The following SLC28A3 variants were observed in gnomAD, a reference collection of about 807,000 sequenced individuals.
SLC28A3 encodes the protein solute carrier family 28 member 3, also known as concentrative Na(+)-nucleoside cotransporter 3.
SLC28A3 carries 68 observed loss-of-function variants against 84.2 expected under a neutral mutation model. The observed-to-expected ratio is 0.81, with a 90% CI of 0.66 to 0.99. The LOEUF (loss-of-function observed/expected upper bound fraction) is 0.99. Among genes scored for constraint, SLC28A3 ranks in the 50% least tolerant of loss-of-function variants. SLC28A3 has a pLI of 0.00. For missense variants in SLC28A3, 712 were observed against 841.5 expected, an observed-to-expected ratio of 0.85 and a Z score of 1.90; for synonymous variants, 267 against 303.6, an observed-to-expected ratio of 0.88 and a Z score of 1.25.
chr9:84,279,868 G>T, intron 16 of SLC28A3, 107 bp downstream of exon 16: 1 of 1,062,358 alleles, frequency 9.4e-7, no homozygotes, highest in Non-Finnish European at 1.4e-6. Flanking sequence ...CTAACTCTCA[G>T]CTTTCTGTGG....
rs1355706577 is a variant in SLC28A3 at position 84,277,092 on chromosome 9, T to C, written c.*1126A>G. On this transcript the variant is annotated 3_prime_UTR_variant, in exon 18 of 18. Transcript: ENST00000376238. ...ATTATCAACGCAAGGTTTTCAGAGC[T>C]CAACCAGGACTTTTTTTCCTCAACT... 4 of 152,368 alleles carry C rather than the reference T, an allele frequency of 2.6e-5. No individual in the cohort carries two copies. Among genetic ancestry groups the C allele is most frequent in the Admixed American group, 2.6e-4 (4 of 15,308 alleles). The allele number at this position is 152,368 out of a possible 1,614,324, so 9.4% of individuals were successfully genotyped here.
At chr9:84,324,501 A>AGGCATGGT (rs1288772877) in intron 1 of SLC28A3, among the ~76,000 whole-genome samples, 2 of 151,984 alleles carry the variant, frequency 1.3e-5, no homozygotes, top group African/African-American at 4.8e-5. Flanking sequence ...AAAATTAGCC[A>AGGCATGGT]GGCATGGTGG....
intron 1 of SLC28A3, among the ~76,000 whole-genome samples, chr9:84,336,886 A>G (rs1185687766): frequency 1.3e-5 from 2 of 151,576 alleles, no homozygotes; most frequent in African/African-American, 4.9e-5. Flanking sequence ...TGCCCACCCC[A>G]CCTCCTACTG....
Position 84,285,501 on chromosome 9 carries a change from C to CATCA in SLC28A3, c.1487_1490dup (p.Met497IlefsTer19). 1 of 1,614,154 alleles carries CATCA rather than the reference C, an allele frequency of 6.2e-7. No homozygotes were observed. Among genetic ancestry groups the CATCA allele is most frequent in the African/African-American group, 1.3e-5 (1 of 75,040 alleles). ...TAAAGCTGTCCTGCCATTCCACTCC[C>CATCA]ATCATGAAGGAAAAGGGCATGAAGA... On this transcript the variant is annotated frameshift_variant, in exon 14 of 18. Coordinates refer to ENST00000376238, the MANE Select transcript of SLC28A3 (RefSeq NM_001199633.2). LOFTEE classifies it high-confidence loss of function.
intron 1 of SLC28A3, among the ~76,000 whole-genome samples, chr9:84,335,542 TG>T (rs1423090212): frequency 6.6e-6 from 1 of 152,196 alleles, no homozygotes; most frequent in African/African-American, 2.4e-5. Context: ...AGTGAAGCCC[TG>T]TCTCTATTTA....
At chr9:84,355,618 G>A in the SLC28A3 span, among the ~76,000 whole-genome samples, 2 of 152,098 alleles carry the variant, frequency 1.3e-5, no homozygotes, top group African/African-American at 4.8e-5. Context: ...CAGACTGCCT[G>A]GTTCTAATCC....
intron 10 of SLC28A3, among the ~76,000 whole-genome samples, chr9:84,290,698 C>G (rs557833942): frequency 5.7e-4 from 87 of 152,220 alleles, no homozygotes; most frequent in Admixed American, 1.9e-3. Context: ...TTTCTAAGGG[C>G]CAACTGACTC....
intron 1 of SLC28A3, among the ~76,000 whole-genome samples, chr9:84,320,925 C>G (rs1028591919): frequency 1.1e-4 from 16 of 148,372 alleles, no homozygotes; most frequent in African/African-American, 4.0e-4. Context: ...GAGATCGTGC[C>G]ACTGAACTCC....
At chr9:84,295,558 G>A (rs1327656577) in intron 8 of SLC28A3, among the ~76,000 whole-genome samples, 2 of 152,106 alleles carry the variant, frequency 1.3e-5, no homozygotes. Context: ...ACTCCAGCCT[G>A]GATGGCAGAG....
chr9:84,352,192 C>CT, the SLC28A3 span, among the ~76,000 whole-genome samples: 14 of 150,788 alleles, frequency 9.3e-5, no homozygotes, highest in South Asian at 4.2e-4. Flanking sequence ...AAAAATTTTG[C>CT]TTTTTTTTTA....
Position 84,286,044 on chromosome 9 carries a change from T to C in SLC28A3, c.1348A>G (p.Ile450Val), listed in dbSNP as rs759609725. ...ASSSISLVAN[I>V]AVNLIAFLAL... is the part of the protein sequence containing the mutation. Reference sequence around the variant, plus strand: ...AGGAAGGCAATCAGATTCACAGCGATGTTGGCCACCAGGGAGATGGAGGAG... The same window carrying C: ...AGGAAGGCAATCAGATTCACAGCGACGTTGGCCACCAGGGAGATGGAGGAG... Residue 450 changes from isoleucine to valine, a missense_variant, in exon 13 of 18, where the codon ATC becomes GTC. Physicochemically the swap from Ile to Val is conservative, Grantham distance 29 (BLOSUM62 3). Coordinates refer to ENST00000376238, the MANE Select transcript of SLC28A3 (RefSeq NM_001199633.2). The C allele has an allele frequency of 9.3e-6, 15 of 1,614,110 alleles. No individual in the cohort carries two copies. The highest frequency in any genetic ancestry group is 1.3e-5 in the Non-Finnish European group (15 of 1,179,994).
chr9:84,365,484 C>A, the SLC28A3 span, among the ~76,000 whole-genome samples: 6 of 151,978 alleles, frequency 3.9e-5, no homozygotes, highest in African/African-American at 1.5e-4. Context: ...CTTTGCTGTG[C>A]AGAAGTTTTT....
chr9:84,291,334 A>G (rs1462134574), intron 10 of SLC28A3, among the ~76,000 whole-genome samples: 1 of 151,394 alleles, frequency 6.6e-6, no homozygotes, highest in East Asian at 2.1e-4. Context: ...GCTAGTAAGC[A>G]TAGGTTTTTT....
intron 4 of SLC28A3, among the ~76,000 whole-genome samples, chr9:84,304,495 A>G (rs892469516): frequency 1.3e-5 from 2 of 152,214 alleles, no homozygotes; most frequent in African/African-American, 4.8e-5. Context: ...CAAAACAAAA[A>G]ACAAATAAAG....
rs1826669379 is a variant in SLC28A3, at chr9:84,328,765, ACAGAAAAC to A, written c.60+11801_60+11808del. Among the ~76,000 whole-genome samples, 3 of 144,788 alleles carry A rather than the reference ACAGAAAAC, an allele frequency of 2.1e-5. No individual in the cohort carries two copies. In the South Asian group the frequency reaches 7.2e-4, roughly 35 times the overall value. 95.0% of individuals were successfully genotyped at this position (144,788 alleles called of 152,430 possible). A position where few individuals can be genotyped will look rare whatever the true frequency, so the allele number is the denominator to read the frequency against. ...CAGAGTGAGACTCTAAAAACAAAAA[ACAGAAAAC>A]AAAAATTAGCCAGGCACAGTGACAG... On this transcript the variant is annotated intron_variant, in intron 1 of 17. Transcript: ENST00000376238.
chr9:84,332,552 A>C (rs1362924567), intron 1 of SLC28A3, among the ~76,000 whole-genome samples: 2 of 152,202 alleles, frequency 1.3e-5, no homozygotes, highest in Non-Finnish European at 2.9e-5. Context: ...AAAACCCATG[A>C]AGGTAACTAC....
Position 84,297,946 on chromosome 9 carries a change from G to A in SLC28A3, c.743C>T (p.Pro248Leu). ...CAACCAATCAAAAGCTATAAATCCAGGGTCAGTCCTTAGAATCAAGAGCCC... is the reference window on the plus strand; with the variant it reads ...CAACCAATCAAAAGCTATAAATCCAAGGTCAGTCCTTAGAATCAAGAGCCC... ...LLGLLILRTD[P>L]GFIAFDWLGR... is the part of the protein sequence containing the mutation. Residue 248 changes from proline (P) to leucine (L), a missense_variant, in exon 7 of 18, where the codon CCT becomes CTT. Physicochemically the swap from Pro to Leu is moderately conservative, Grantham distance 98. Transcript: ENST00000376238. The A allele has an allele frequency of 6.2e-7, 1 of 1,611,074 alleles. No homozygotes were observed. The highest frequency in any genetic ancestry group is 8.5e-7 in the Non-Finnish European group (1 of 1,179,404).
At chr9:84,309,320 C>T (rs965618129) in intron 3 of SLC28A3, among the ~76,000 whole-genome samples, 1 of 151,650 alleles carries the variant, frequency 6.6e-6, no homozygotes, top group Non-Finnish European at 1.5e-5. Context: ...GTCAGGAGTT[C>T]GAGACCAGCC....
At chr9:84,285,878 T>G in intron 13 of SLC28A3, 65 bp downstream of exon 13, 1 of 1,527,256 alleles carries the variant, frequency 6.5e-7, no homozygotes, top group Admixed American at 2.0e-5. Flanking sequence ...TTTACAAACC[T>G]ATTTTATTTT....
Sources: gnomAD v4.1 joint callset for allele counts (sites outside exome capture counted in the v4.1 genomes callset) on GRCh38, gnomAD v4.1.1 for gene constraint, MANE v1.5 for transcripts, NCBI Gene and HGNC (gene_info 2026-07-23, HGNC 2026-07-21) for gene names.